The following PRIM2 variants were observed in gnomAD, a reference collection of about 807,000 sequenced individuals.
PRIM2 encodes DNA primase subunit 2.
PRIM2 carries 39 observed loss-of-function variants against 67.3 expected under a neutral mutation model. The observed-to-expected ratio is 0.58, with a 90% CI of 0.45 to 0.76. The LOEUF is 0.76. Ranked by LOEUF, PRIM2 falls within the 30% of genes least tolerant of loss-of-function variation. The pLI, the probability that PRIM2 is intolerant of heterozygous loss-of-function variation, is 0.00. For synonymous variants in PRIM2, 143 were observed against 198.7 expected (o/e 0.72, Z 2.36); for missense variants, 398 against 598.7 (o/e 0.66, Z 3.50).
the PRIM2 span, among the ~76,000 whole-genome samples, chr6:57,224,744 C>G: frequency 6.6e-6 from 1 of 152,192 alleles, no homozygotes; most frequent in Admixed American, 6.5e-5. Flanking sequence ...CTTTCCTCCC[C>G]ACTTTTCCAT....
At chr6:57,523,876 A>ATTCGT in intron 8 of PRIM2, among the ~76,000 whole-genome samples, 1 of 152,334 alleles carries the variant, frequency 6.6e-6, no homozygotes, top group African/African-American at 2.4e-5. Context: ...TACATTGAAC[A>ATTCGT]GGACTTAAAT....
intron 6 of PRIM2, among the ~76,000 whole-genome samples, chr6:57,380,673 T>G (rs1769932873): frequency 6.6e-6 from 1 of 151,946 alleles, no homozygotes; most frequent in South Asian, 2.1e-4. Context: ...TGCCAGTAGT[T>G]TAAAGTCCTG....
chr6:57,582,838 C>G (rs1314460285), intron 10 of PRIM2, among the ~76,000 whole-genome samples: 3 of 150,192 alleles, frequency 2.0e-5, no homozygotes, highest in Non-Finnish European at 1.5e-5. Context: ...GCACAATGTG[C>G]AGGTTAGTTA....
intron 7 of PRIM2, among the ~76,000 whole-genome samples, chr6:57,435,517 TA>T (rs1206879810): frequency 6.6e-6 from 1 of 152,162 alleles, no homozygotes; most frequent in Admixed American, 6.5e-5. Flanking sequence ...GAGAAACAAA[TA>T]CTTAAAAGAA....
intron 5 of PRIM2, among the ~76,000 whole-genome samples, chr6:57,360,927 G>T (rs1407058023): frequency 6.6e-6 from 1 of 152,154 alleles, no homozygotes; most frequent in Non-Finnish European, 1.5e-5. Context: ...TAAAATGAAT[G>T]AACTGAGTGT....
At chr6:57,234,075 A>G in the PRIM2 span, among the ~76,000 whole-genome samples, 5 of 152,200 alleles carry the variant, frequency 3.3e-5, no homozygotes, top group South Asian at 2.1e-4. Context: ...GTAATTCTCA[A>G]TTTGAAGGAT....
At chr6:57,436,918 C>T (rs1251144955) in intron 7 of PRIM2, among the ~76,000 whole-genome samples, 4 of 152,096 alleles carry the variant, frequency 2.6e-5, no homozygotes, top group Non-Finnish European at 5.9e-5. Context: ...TAATTACATA[C>T]CTTATATAAA....
At chr6:57,399,310 G>A (rs201504573) in intron 7 of PRIM2, among the ~76,000 whole-genome samples, 2 of 152,092 alleles carry the variant, frequency 1.3e-5, no homozygotes, top group African/African-American at 4.8e-5. Flanking sequence ...CTGGCCTTGC[G>A]ATAGTTTGCT....
At chr6:57,585,051 G>A (rs1776163978) in intron 10 of PRIM2, among the ~76,000 whole-genome samples, 2 of 152,182 alleles carry the variant, frequency 1.3e-5, no homozygotes, top group South Asian at 4.1e-4. Flanking sequence ...CTGAATTAGA[G>A]TAACAAAAGC....
Position 57,409,617 on chromosome 6 carries a change from C to T in PRIM2, c.693+27449C>T, listed in dbSNP as rs1272363805. Among the ~76,000 whole-genome samples the T allele has an allele frequency of 2.0e-5, 3 of 152,184 alleles. No individual in the cohort carries two copies. The East Asian group carries it at 5.8e-4, about 29-fold the overall frequency. ...TAGTGTATGTGTTCCAGTTATTCTA[C>T]CACCTTGCCAAAAGTTGATATTGTC... On this transcript the variant is annotated intron_variant, in intron 7 of 13. Transcript: ENST00000615550.
At chr6:57,506,919 A>G (rs2127459507) in intron 7 of PRIM2, among the ~76,000 whole-genome samples, 1 of 152,264 alleles carries the variant, frequency 6.6e-6, no homozygotes, top group South Asian at 2.1e-4. Context: ...CTGACAGAAT[A>G]AAGTACATAC....
At chr6:57,486,946 T>C (rs1208096343) in intron 7 of PRIM2, among the ~76,000 whole-genome samples, 1 of 152,214 alleles carries the variant, frequency 6.6e-6, no homozygotes, top group African/African-American at 2.4e-5. Flanking sequence ...TAAGGATTTG[T>C]TTTTCATATT....
intron 5 of PRIM2, among the ~76,000 whole-genome samples, chr6:57,348,814 C>G (rs1768764435): frequency 7.1e-6 from 1 of 140,112 alleles, no homozygotes; most frequent in Admixed American, 7.8e-5. Flanking sequence ...GTGGCGCGAT[C>G]TCGGCTCACT....
At chr6:57,412,812 A>T (rs1286964247) in intron 7 of PRIM2, among the ~76,000 whole-genome samples, 1 of 152,240 alleles carries the variant, frequency 6.6e-6, no homozygotes, top group East Asian at 1.9e-4. Flanking sequence ...CAGAAATGGA[A>T]AAACAAAGGC....
At chr6:57,355,939 G>C (rs1487335414) in intron 5 of PRIM2, among the ~76,000 whole-genome samples, 1 of 152,112 alleles carries the variant, frequency 6.6e-6, no homozygotes, top group Non-Finnish European at 1.5e-5. Context: ...ACTGTGCCTG[G>C]CCAAAACTGC....
the PRIM2 span, among the ~76,000 whole-genome samples, chr6:57,224,167 G>A: frequency 2.0e-5 from 3 of 152,150 alleles, no homozygotes; most frequent in African/African-American, 4.8e-5. Context: ...CAGGTGTGGC[G>A]AGGTATCCCT....
chr6:57,591,690 G>GGA (rs1184751278), intron 10 of PRIM2, among the ~76,000 whole-genome samples: 12 of 152,170 alleles, frequency 7.9e-5, no homozygotes, highest in African/African-American at 2.9e-4. Context: ...GCGAGATCGT[G>GGA]GAGAAAAGGG....
chr6:57,444,395 C>T (rs1388922204), intron 7 of PRIM2, among the ~76,000 whole-genome samples: 5 of 151,954 alleles, frequency 3.3e-5, no homozygotes, highest in South Asian at 2.1e-4. Context: ...ACTGAAACCC[C>T]GTCTCTACTA....
intron 10 of PRIM2, among the ~76,000 whole-genome samples, chr6:57,577,354 C>T (rs1775981747): frequency 6.6e-6 from 1 of 152,058 alleles, no homozygotes; most frequent in Non-Finnish European, 1.5e-5. Flanking sequence ...GATATTCACA[C>T]CACCTTTGCC....
Sources: gnomAD v4.1 joint callset for allele counts (sites outside exome capture counted in the v4.1 genomes callset) on GRCh38, gnomAD v4.1.1 for gene constraint, MANE v1.5 for transcripts, NCBI Gene and HGNC (gene_info 2026-07-23, HGNC 2026-07-21) for gene names.